The following PCGF5 variants were observed in gnomAD, a reference collection of about 807,000 sequenced individuals.
PCGF5 encodes the protein polycomb group RING finger protein 5.
In PCGF5, 9 loss-of-function variants were observed where a neutral mutation model predicts 44.3. That is an observed-to-expected ratio of 0.20 (90% confidence interval 0.12 to 0.35). PCGF5 has a LOEUF of 0.35. Among genes scored for constraint, PCGF5 ranks in the 10% least tolerant of loss-of-function variants. PCGF5 has a pLI of 1.00. For synonymous variants in PCGF5, 95 were observed against 102.5 expected, an observed-to-expected ratio of 0.93 and a Z score of 0.44; for missense variants, 146 against 305.3, an observed-to-expected ratio of 0.48 and a Z score of 3.89.
At chr10:91,161,746 G>A (rs1286353008), upstream of PCGF5, among the ~76,000 whole-genome samples, 1 of 152,216 alleles carries the variant, frequency 6.6e-6, no homozygotes, top group African/African-American at 2.4e-5. Context: ...GCAAGATGAG[G>A]TTTGCGGACC....
chr10:91,162,587 G>A (rs1174509170), upstream of PCGF5, among the ~76,000 whole-genome samples: 3 of 152,052 alleles, frequency 2.0e-5, no homozygotes, highest in African/African-American at 7.2e-5. Context: ...CACTACAGGT[G>A]GGAGACTGCG....
At chr10:91,182,417 T>C (rs934201617) in intron 1 of PCGF5, among the ~76,000 whole-genome samples, 8 of 152,174 alleles carry the variant, frequency 5.3e-5, no homozygotes, top group African/African-American at 1.9e-4. Flanking sequence ...CTCCTTATCA[T>C]TTCTGATTGT....
At chr10:91,191,943 C>G (rs1269377708) in intron 1 of PCGF5, among the ~76,000 whole-genome samples, 5 of 152,292 alleles carry the variant, frequency 3.3e-5, no homozygotes, top group Middle Eastern at 3.4e-3. Flanking sequence ...TAATCTTTAT[C>G]CAAAGTATCA....
chr10:91,174,456 G>C (rs1210782777), intron 1 of PCGF5, among the ~76,000 whole-genome samples: 1 of 152,134 alleles, frequency 6.6e-6, no homozygotes, highest in Non-Finnish European at 1.5e-5. Flanking sequence ...GTAGTGAGCT[G>C]AAATCACACC....
chr10:91,222,059 G>T (rs1241514779), intron 1 of PCGF5, among the ~76,000 whole-genome samples: 3 of 152,114 alleles, frequency 2.0e-5, no homozygotes, highest in South Asian at 4.1e-4. Flanking sequence ...TTGTTGAAGG[G>T]TATATTAAGG....
rs12259394 is a variant in PCGF5 at position 91,174,280 on chromosome 10, G to A, written c.-184+11199G>A. ...CCATCACTTTGGGAAGCTAAGGTGG[G>A]TGGATCACTTGAGGCCAGGAGTTGG... On this transcript the variant is annotated intron_variant, in intron 1 of 9. Transcript: ENST00000614189. 5.3e-3 allele frequency among the ~76,000 whole-genome samples: 805 copies of A among 152,200 alleles called. 8 individuals are homozygous for A. The highest frequency in any genetic ancestry group is 0.018 in the African/African-American group (765 of 41,574).
chr10:91,175,299 G>A (rs1046483791), intron 1 of PCGF5, among the ~76,000 whole-genome samples: 7 of 152,140 alleles, frequency 4.6e-5, no homozygotes, highest in Admixed American at 6.5e-5. Context: ...GACTGAAAAA[G>A]GAATTTAATG....
At chr10:91,229,554 T>C (rs535909586) in intron 2 of PCGF5, among the ~76,000 whole-genome samples, 5 of 152,270 alleles carry the variant, frequency 3.3e-5, no homozygotes, top group African/African-American at 9.6e-5. Flanking sequence ...CTACATAATA[T>C]ATGTTATGAC....
intron 8 of PCGF5, among the ~76,000 whole-genome samples, chr10:91,270,203 G>A (rs1020533488): frequency 6.6e-6 from 1 of 152,094 alleles, no homozygotes; most frequent in Admixed American, 6.6e-5. Flanking sequence ...GTAGTTCTCA[G>A]TACAGCCCCC....
rs1846407702 is a variant in PCGF5 at position 91,279,831 on chromosome 10, A to G, written c.*1515A>G. 1 of 152,126 alleles carries G rather than the reference A, an allele frequency of 6.6e-6. No individual in the cohort carries two copies. The highest frequency in any genetic ancestry group is 2.4e-5 in the African/African-American group (1 of 41,460). 9.4% of individuals were successfully genotyped at this position (152,126 alleles called of 1,614,324 possible). ...TTTCCAGTAAAATGTATCAGAAATC[A>G]ATGCCTTCTGAATTTCAAAATGATT... On this transcript the variant is annotated 3_prime_UTR_variant, in exon 10 of 10. Coordinates refer to ENST00000336126, the MANE Select transcript of PCGF5 (RefSeq NM_032373.5).
upstream of PCGF5, among the ~76,000 whole-genome samples, chr10:91,162,260 A>T (rs1344167713): frequency 8.4e-6 from 1 of 119,276 alleles, no homozygotes; most frequent in African/African-American, 3.2e-5. Flanking sequence ...GAGTCACTGG[A>T]GGATCTTCAG....
At chr10:91,270,719 T>A (rs1846157936) in intron 8 of PCGF5, among the ~76,000 whole-genome samples, 1 of 152,230 alleles carries the variant, frequency 6.6e-6, no homozygotes, top group African/African-American at 2.4e-5. Context: ...TTTAAAAACC[T>A]ACTTTGCTAT....
At chr10:91,227,221 G>GTATTTAGATGT in intron 2 of PCGF5, 1 of 408,846 alleles carries the variant, frequency 2.4e-6, no homozygotes, top group Non-Finnish European at 4.8e-6. Flanking sequence ...TCTAACACAT[G>GTATTTAGATGT]TATTTAGATG....
At chr10:91,212,566 T>A (rs1217299559) in intron 1 of PCGF5, among the ~76,000 whole-genome samples, 1 of 152,222 alleles carries the variant, frequency 6.6e-6, no homozygotes, top group African/African-American at 2.4e-5. Flanking sequence ...GAGGCTACTC[T>A]ACTGACAGGA....
Position 91,283,193 on chromosome 10 carries a change from T to C in PCGF5, c.*4877T>C, listed in dbSNP as rs1167506620. On this transcript the variant is annotated 3_prime_UTR_variant, in exon 10 of 10. Transcript: ENST00000336126. ...ATTCTCTTCCTAGTATAATACAGTTTTCATAAATAATGTTTACTTGCTTTC... is the reference window on the plus strand; with the variant it reads ...ATTCTCTTCCTAGTATAATACAGTTCTCATAAATAATGTTTACTTGCTTTC... The C allele has an allele frequency of 6.6e-6, 1 of 152,224 alleles. No individual in the cohort carries two copies. Among genetic ancestry groups the C allele is most frequent in the Non-Finnish European group, 1.5e-5 (1 of 68,032 alleles). The allele number at this position is 152,224 out of a possible 1,614,324, so 9.4% of individuals were successfully genotyped here.
At chr10:91,158,952 T>C (rs1215960420), upstream of PCGF5, among the ~76,000 whole-genome samples, 1 of 152,212 alleles carries the variant, frequency 6.6e-6, no homozygotes, top group African/African-American at 2.4e-5. Context: ...TCCTGCTCCC[T>C]TTCTCCCCTG....
intron 1 of PCGF5, among the ~76,000 whole-genome samples, chr10:91,200,909 G>T (rs1036518298): frequency 6.6e-6 from 1 of 152,100 alleles, no homozygotes; most frequent in East Asian, 1.9e-4. Flanking sequence ...CATTAGCTGT[G>T]TTCGTGATTA....
In PCGF5 at chr10:91,201,999, A is replaced by G. The variant is rs143084989; in HGVS notation, c.-183-20690A>G. ...AGGGAGGGTCCTGGACTTGGGAGCT[A>G]CACTGTCCAGGATTATATCCAAGCC... On this transcript the variant is annotated intron_variant, in intron 1 of 9. Transcript: ENST00000614189. 5.3e-5 allele frequency among the ~76,000 whole-genome samples: 8 copies of G among 152,294 alleles called. No individual in the cohort carries two copies. In the East Asian group the frequency reaches 1.5e-3, roughly 29 times the overall value.
At chr10:91,236,352 A>G (rs1467474350) in intron 2 of PCGF5, among the ~76,000 whole-genome samples, 2 of 152,158 alleles carry the variant, frequency 1.3e-5, no homozygotes, top group Non-Finnish European at 2.9e-5. Context: ...GCCAAGCCTG[A>G]TATTTGGTTA....
Sources: allele counts gnomAD v4.1 joint callset (sites outside exome capture counted in the v4.1 genomes callset), GRCh38; gene constraint gnomAD v4.1.1; transcripts MANE v1.5; gene names NCBI Gene and HGNC (gene_info 2026-07-23, HGNC 2026-07-21).